AIDA: variants seen among roughly 807,000 people sequenced by gnomAD.
The protein encoded by AIDA is axin interactor, dorsalization associated, also known as axin interactor, dorsalization-associated protein.
A neutral mutation model predicts 42.7 loss-of-function variants in AIDA; 18 were observed. The observed-to-expected ratio is 0.42, with a 90% CI of 0.29 to 0.63. The LOEUF (loss-of-function observed/expected upper bound fraction) is 0.63. Among genes scored for constraint, AIDA ranks in the 20% least tolerant of loss-of-function variants. The pLI, the probability that AIDA is intolerant of heterozygous loss-of-function variation, is 0.19. For synonymous variants in AIDA, 104 were observed against 122.9 expected, an observed-to-expected ratio of 0.85 and a Z score of 1.02; for missense variants, 250 against 354.1, an observed-to-expected ratio of 0.71 and a Z score of 2.36.
rs563194547 is a variant in AIDA at position 222,699,736 on chromosome 1, G to A, written c.180+3412C>T. On this transcript the variant is annotated intron_variant, in intron 2 of 9. Transcript: ENST00000340020. Reference sequence around the variant, plus strand: ...ATGTCAGTATGGCTTTTTTTGGCCCGCTGTGAATGTTTTGCTTGCATTTTT... The same window carrying A: ...ATGTCAGTATGGCTTTTTTTGGCCCACTGTGAATGTTTTGCTTGCATTTTT... Among the ~76,000 whole-genome samples, 23 of 151,648 alleles carry A rather than the reference G, an allele frequency of 1.5e-4. No homozygotes were observed. In the South Asian group the frequency reaches 1.7e-3, roughly 11 times the overall value.
In AIDA at chr1:222,711,022, C is replaced by T. The variant is rs536057355; in HGVS notation, c.110+1186G>A. Among the ~76,000 whole-genome samples the T allele has an allele frequency of 1.0e-4, 14 of 138,614 alleles. No homozygotes were observed. In the East Asian group the frequency reaches 1.0e-3, roughly 10 times the overall value. The allele number at this position is 138,614 out of a possible 152,430, so 90.9% of individuals were successfully genotyped here. On this transcript the variant is annotated intron_variant, in intron 1 of 9. Transcript: ENST00000340020. Reference sequence around the variant, plus strand: ...AAAACAAATAACTATTGCGGGGAGACGATAAGAGTTTAGATCTTCCAAGTA... The same window carrying T: ...AAAACAAATAACTATTGCGGGGAGATGATAAGAGTTTAGATCTTCCAAGTA...
In AIDA at chr1:222,668,403, C is replaced by T. The variant is rs1396383040; in HGVS notation, c.*1490G>A. 9.8e-6 allele frequency: 1 copy of T among 101,826 alleles called. No individual in the cohort carries two copies. The highest frequency in any genetic ancestry group is 3.9e-5 in the African/African-American group (1 of 25,830). 6.3% of individuals were successfully genotyped at this position (101,826 alleles called of 1,614,324 possible). ...AAGGCAAATTCTTCATCCCCTAGAG[C>T]TATTGTGGACTGAATCATTTTAGAA... On this transcript the variant is annotated 3_prime_UTR_variant, in exon 10 of 10. Coordinates refer to ENST00000340020, the MANE Select transcript of AIDA (RefSeq NM_022831.4).
At chr1:222,689,580 T>C (rs1200265983) in intron 4 of AIDA, among the ~76,000 whole-genome samples, 19 of 132,878 alleles carry the variant, frequency 1.4e-4, no homozygotes, top group African/African-American at 2.5e-4. Flanking sequence ...TATATATATA[T>C]ACACACACAC....
rs1200209169 is a variant in AIDA at position 222,694,161 on chromosome 1, T to C, written c.234+49A>G. The C allele has an allele frequency of 4.7e-6, 7 of 1,502,430 alleles. No homozygotes were observed. The South Asian group carries it at 7.1e-5, about 15-fold the overall frequency. 93.1% of individuals were successfully genotyped at this position (1,502,430 alleles called of 1,614,324 possible). A position where few individuals can be genotyped will look rare whatever the true frequency, so the allele number is the denominator to read the frequency against. On this transcript the variant is annotated intron_variant, in intron 3 of 9. Coordinates refer to ENST00000340020, the MANE Select transcript of AIDA (RefSeq NM_022831.4). Reference sequence around the variant, plus strand: ...AATGTCTAATGTTTTATCACAATAATGCAGAATAATTTATTTTCCTTGTAT... The same window carrying C: ...AATGTCTAATGTTTTATCACAATAACGCAGAATAATTTATTTTCCTTGTAT...
intron 2 of AIDA, among the ~76,000 whole-genome samples, chr1:222,694,707 C>A (rs554058728): frequency 6.6e-6 from 1 of 152,256 alleles, no homozygotes; most frequent in Admixed American, 6.5e-5. Flanking sequence ...CAACACTAAG[C>A]AAAACTGGTA....
chr1:222,702,592 G>A (rs759696533), intron 2 of AIDA, among the ~76,000 whole-genome samples: 8 of 152,132 alleles, frequency 5.3e-5, no homozygotes, highest in African/African-American at 1.4e-4. Flanking sequence ...GCAACCTTAC[G>A]CATTTATTTT....
intron 1 of AIDA, among the ~76,000 whole-genome samples, chr1:222,708,125 A>G (rs1321337516): frequency 6.6e-6 from 1 of 152,020 alleles, no homozygotes; most frequent in African/African-American, 2.4e-5. Context: ...CCTGGCCAAC[A>G]TGGTGAAACC....
intron 1 of AIDA, among the ~76,000 whole-genome samples, chr1:222,710,263 T>C (rs986857137): frequency 6.6e-6 from 1 of 152,222 alleles, no homozygotes; most frequent in East Asian, 1.9e-4. Context: ...CATTACATGT[T>C]TTCACTGAAA....
At chr1:222,703,084 G>T in intron 2 of AIDA, 64 bp downstream of exon 2, 2 of 1,325,776 alleles carry the variant, frequency 1.5e-6, no homozygotes, top group South Asian at 1.4e-5. Context: ...TTTGCTTAAT[G>T]AACTCAAAAG....
Position 222,689,315 on chromosome 1 carries a change from C to T in AIDA, c.290-1657G>A, listed in dbSNP as rs188135375. 3.8e-3 allele frequency among the ~76,000 whole-genome samples: 579 copies of T among 150,746 alleles called. 6 individuals carry two copies. Among genetic ancestry groups the T allele is most frequent in the African/African-American group, 0.013 (545 of 41,186 alleles). On this transcript the variant is annotated intron_variant, in intron 4 of 9. Coordinates refer to ENST00000340020, the MANE Select transcript of AIDA (RefSeq NM_022831.4). ...ATTAGCCAGGCCTGGTGGCACACGC[C>T]TGTAATTCCAGCTACTCCAGAGGCT...
At chr1:222,689,467 G>GTA (rs1161077413) in intron 4 of AIDA, among the ~76,000 whole-genome samples, 4 of 66,576 alleles carry the variant, frequency 6.0e-5, no homozygotes, top group Non-Finnish European at 8.1e-5. Flanking sequence ...AAGAAAATAT[G>GTA]TATGTGTGTG....
At chr1:222,686,300 G>A (rs1655179964) in intron 6 of AIDA, among the ~76,000 whole-genome samples, 1 of 152,186 alleles carries the variant, frequency 6.6e-6, no homozygotes, top group Admixed American at 6.5e-5. Context: ...CTTGGATTTG[G>A]GGAGGGTTCC....
intron 2 of AIDA, among the ~76,000 whole-genome samples, chr1:222,702,651 G>A (rs1281401930): frequency 1.3e-5 from 2 of 152,234 alleles, no homozygotes; most frequent in East Asian, 3.8e-4. Flanking sequence ...ATTGTTTTCA[G>A]TGGAGAGGTG....
intron 6 of AIDA, among the ~76,000 whole-genome samples, chr1:222,683,778 C>G (rs1007090346): frequency 6.6e-6 from 1 of 152,062 alleles, no homozygotes; most frequent in South Asian, 2.1e-4. Flanking sequence ...ATGAAATCTA[C>G]CAAGACTATC....
chr1:222,692,605 G>A (rs1655401236), intron 4 of AIDA, among the ~76,000 whole-genome samples: 1 of 152,144 alleles, frequency 6.6e-6, no homozygotes. Flanking sequence ...ACTGAATCAG[G>A]CTCTGTGGGA....
chr1:222,694,691 TA>T (rs1460295084), intron 2 of AIDA, among the ~76,000 whole-genome samples: 1 of 152,216 alleles, frequency 6.6e-6, no homozygotes, highest in Non-Finnish European at 1.5e-5. Flanking sequence ...TTGTTTAATA[TA>T]TAGGCAACAC....
intron 8 of AIDA, among the ~76,000 whole-genome samples, chr1:222,672,151 T>G (rs1002319946): frequency 3.3e-5 from 5 of 152,072 alleles, no homozygotes; most frequent in African/African-American, 1.2e-4. Context: ...AACAGTAAGT[T>G]TGAAGCTGGA....
intron 6 of AIDA, among the ~76,000 whole-genome samples, chr1:222,681,622 C>T (rs559847119): frequency 6.6e-6 from 1 of 152,260 alleles, no homozygotes; most frequent in Non-Finnish European, 1.5e-5. Context: ...GAAATTGTAC[C>T]ACTGCACTCC....
chr1:222,704,062 T>C (rs1394929995), intron 1 of AIDA, among the ~76,000 whole-genome samples: 1 of 152,194 alleles, frequency 6.6e-6, no homozygotes, highest in East Asian at 1.9e-4. Flanking sequence ...TTACTAGTCA[T>C]TATGAAAACA....
Sources: gnomAD v4.1 joint callset for allele counts (sites outside exome capture counted in the v4.1 genomes callset) on GRCh38, gnomAD v4.1.1 for gene constraint, MANE v1.5 for transcripts, NCBI Gene and HGNC (gene_info 2026-07-23, HGNC 2026-07-21) for gene names.